Variants in LRP1B observed in about 807,000 individuals in gnomAD.
The protein encoded by LRP1B is low-density lipoprotein receptor-related protein 1B.
Under a neutral mutation model 556.6 loss-of-function variants are expected in LRP1B, and 217 were observed. That is an observed-to-expected ratio of 0.39 (90% CI 0.35 to 0.44). The LOEUF is 0.44. LRP1B is among the 20% of genes least tolerant of loss of function. The pLI is 1.00. For synonymous variants in LRP1B, 2,047 were observed against 1,865.8 expected (o/e 1.10, Z -2.50); for missense variants, 5,053 against 5,620.8 (o/e 0.90, Z 3.23).
At position 142,115,609 on chromosome 2, in the gene LRP1B, AT is replaced by A. The variant is rs1469071320; in HGVS notation, c.82+15038del. On this transcript the variant is annotated intron_variant, in intron 1 of 90. Coordinates refer to ENST00000389484, the MANE Select transcript of LRP1B (RefSeq NM_018557.3). Reference sequence around the variant, plus strand: ...TATATATATTATATATGTAATATATATTATATATATGTAATATATATATTAT... The same window carrying A: ...TATATATATTATATATGTAATATATATATATATATGTAATATATATATTAT... 3.4e-3 allele frequency among the ~76,000 whole-genome samples: 99 copies of A among 29,236 alleles called. 6 individuals carry two copies. Among genetic ancestry groups the A allele is most frequent in the African/African-American group, 9.3e-3 (95 of 10,228 alleles). The allele number at this position is 29,236 out of a possible 152,430, so 19.2% of individuals were successfully genotyped here.
intron 1 of LRP1B, among the ~76,000 whole-genome samples, chr2:141,901,465 G>A (rs1460568014): frequency 6.6e-6 from 1 of 151,930 alleles, no homozygotes; most frequent in Non-Finnish European, 1.5e-5. Context: ...AGTATAAAAA[G>A]CATGAACAAT....
At chr2:140,844,493 G>A (rs189875006) in intron 29 of LRP1B, among the ~76,000 whole-genome samples, 1 of 151,962 alleles carries the variant, frequency 6.6e-6, no homozygotes, top group East Asian at 1.9e-4. Context: ...TCTGGTTGTT[G>A]CAGAGTGCTC....
intron 2 of LRP1B, among the ~76,000 whole-genome samples, chr2:141,676,332 C>T (rs1482166218): frequency 6.6e-6 from 1 of 152,078 alleles, no homozygotes; most frequent in African/African-American, 2.4e-5. Flanking sequence ...AAATAATGCA[C>T]AGTCATGTTG....
chr2:141,259,706 C>G (rs1007374018), intron 3 of LRP1B, among the ~76,000 whole-genome samples: 4 of 152,106 alleles, frequency 2.6e-5, no homozygotes, highest in Non-Finnish European at 5.9e-5. Flanking sequence ...CTTGAGATAT[C>G]AAGGTTATTT....
At chr2:140,664,202 A>T (rs569188416) in intron 41 of LRP1B, among the ~76,000 whole-genome samples, 1 of 152,340 alleles carries the variant, frequency 6.6e-6, no homozygotes, top group Admixed American at 6.5e-5. Context: ...TATTGCAAGA[A>T]TTACCAAAAT....
chr2:141,544,362 T>C (rs920402150), intron 2 of LRP1B, among the ~76,000 whole-genome samples: 1 of 99,550 alleles, frequency 1.0e-5, no homozygotes, highest in African/African-American at 3.7e-5. Flanking sequence ...CTTCTTCTTC[T>C]TCTTCTTCTT....
intron 2 of LRP1B, among the ~76,000 whole-genome samples, chr2:141,637,126 A>G (rs993416699): frequency 6.6e-6 from 1 of 152,204 alleles, no homozygotes; most frequent in African/African-American, 2.4e-5. Flanking sequence ...CACAGAGTTA[A>G]TAAAGCATCA....
chr2:142,003,733 G>A (rs947560327), intron 1 of LRP1B, among the ~76,000 whole-genome samples: 20 of 152,192 alleles, frequency 1.3e-4, no homozygotes, highest in South Asian at 4.1e-4. Flanking sequence ...AATGGCTACC[G>A]TGTACTCCCA....
At chr2:141,786,743 C>T (rs1271766960) in intron 2 of LRP1B, among the ~76,000 whole-genome samples, 2 of 151,880 alleles carry the variant, frequency 1.3e-5, no homozygotes, top group Non-Finnish European at 2.9e-5. Context: ...AGCACGGAAC[C>T]TCTCACCATT....
At chr2:140,566,172 A>T (rs983366033) in intron 43 of LRP1B, among the ~76,000 whole-genome samples, 1 of 152,150 alleles carries the variant, frequency 6.6e-6, no homozygotes, top group African/African-American at 2.4e-5. Context: ...GTGTCCTGAC[A>T]TTCCCAAGCC....
chr2:140,550,127 G>A (rs1374047345), intron 43 of LRP1B, among the ~76,000 whole-genome samples: 1 of 151,944 alleles, frequency 6.6e-6, no homozygotes, highest in Admixed American at 6.6e-5. Flanking sequence ...TGAGGCCTTT[G>A]CACTGCACCT....
At chr2:142,014,678 G>A (rs1019944796) in intron 1 of LRP1B, among the ~76,000 whole-genome samples, 1 of 152,156 alleles carries the variant, frequency 6.6e-6, no homozygotes, top group African/African-American at 2.4e-5. Context: ...GTCAAGTATT[G>A]GAAGCACGTA....
At chr2:140,338,698 CA>C (rs1681221560) in intron 77 of LRP1B, among the ~76,000 whole-genome samples, 1 of 151,572 alleles carries the variant, frequency 6.6e-6, no homozygotes, top group South Asian at 2.1e-4. Context: ...CAAAATCAAT[CA>C]GGTAAACACA....
chr2:141,793,180 A>G (rs1442276947), intron 2 of LRP1B, among the ~76,000 whole-genome samples: 1 of 151,942 alleles, frequency 6.6e-6, no homozygotes, highest in Non-Finnish European at 1.5e-5. Context: ...TTCATGTTGC[A>G]TGCTTAATGA....
intron 3 of LRP1B, among the ~76,000 whole-genome samples, chr2:141,380,043 A>C (rs1413970032): frequency 2.0e-5 from 3 of 152,086 alleles, no homozygotes; most frequent in Admixed American, 2.0e-4. Context: ...ATTCAACTAC[A>C]CTAATGTAGA....
chr2:141,186,093 A>AAAAC, intron 7 of LRP1B, among the ~76,000 whole-genome samples: 1 of 151,292 alleles, frequency 6.6e-6, no homozygotes, highest in South Asian at 2.1e-4. Flanking sequence ...AAAAAAAAAA[A>AAAAC]AAAAAACCAG....
At chr2:141,720,558 A>T (rs1692774918) in intron 2 of LRP1B, among the ~76,000 whole-genome samples, 1 of 152,100 alleles carries the variant, frequency 6.6e-6, no homozygotes, top group African/African-American at 2.4e-5. Context: ...GTATGAAGAG[A>T]TGACTAACTT....
At chr2:140,558,505 A>G (rs916074655) in intron 43 of LRP1B, among the ~76,000 whole-genome samples, 2 of 152,158 alleles carry the variant, frequency 1.3e-5, no homozygotes, top group African/African-American at 4.8e-5. Context: ...AAAGGACCAC[A>G]TATTATATGA....
chr2:140,656,021 T>C (rs1684869265), intron 41 of LRP1B, among the ~76,000 whole-genome samples: 1 of 152,170 alleles, frequency 6.6e-6, no homozygotes, highest in African/African-American at 2.4e-5. Context: ...CAAGACACAT[T>C]CAAGTGGTTT....
Sources: gnomAD v4.1 joint callset for allele counts (sites outside exome capture counted in the v4.1 genomes callset) on GRCh38, gnomAD v4.1.1 for gene constraint, MANE v1.5 for transcripts, NCBI Gene and HGNC (gene_info 2026-07-23, HGNC 2026-07-21) for gene names.